Variants in LIPA observed in about 807,000 individuals in gnomAD.
The protein encoded by LIPA is lysosomal acid lipase/cholesteryl ester hydrolase.
A neutral mutation model predicts 40.6 loss-of-function variants in LIPA; 26 were observed. The observed-to-expected ratio is 0.64, with a 90% confidence interval of 0.47 to 0.89. The LOEUF (loss-of-function observed/expected upper bound fraction) is 0.89, where lower values mean the gene tolerates loss of function less well. Ranked by LOEUF, LIPA falls within the 40% of genes least tolerant of loss-of-function variation. The pLI, the probability that LIPA is intolerant of heterozygous loss-of-function variation, is 0.00. For missense variants in LIPA, 455 were observed against 479.6 expected (o/e 0.95, Z 0.48); for synonymous variants, 188 against 168.4 (o/e 1.12, Z -0.90).
At chr10:89,295,040 G>A (rs552938127) in intron 1 of LIPA, among the ~76,000 whole-genome samples, 1 of 143,382 alleles carries the variant, frequency 7.0e-6, no homozygotes, top group African/African-American at 2.6e-5. Context: ...GGAAAGGAAA[G>A]GAAAGGAAAG....
Position 89,228,555 on chromosome 10 carries a change from G to C in LIPA, c.230-157C>G, listed in dbSNP as rs1165752535. On this transcript the variant is annotated intron_variant, in intron 3 of 9. Transcript: ENST00000336233. ...AGTGATGTACTCACATATAATGTTA[G>C]TAAAGAATTTTTTTAAAACAGCACT... Among the ~76,000 whole-genome samples, 3 of 152,214 alleles carry C rather than the reference G, an allele frequency of 2.0e-5. No individual in the cohort carries two copies. The East Asian group carries it at 5.8e-4, about 29-fold the overall frequency.
intron 1 of LIPA, among the ~76,000 whole-genome samples, chr10:89,322,876 A>T (rs555814015): frequency 1.3e-5 from 2 of 152,290 alleles, no homozygotes; most frequent in East Asian, 3.9e-4. Context: ...ACAGGTGACT[A>T]CATCTACCCC....
intron 1 of LIPA, among the ~76,000 whole-genome samples, chr10:89,333,414 A>G (rs186319541): frequency 6.6e-6 from 1 of 152,350 alleles, no homozygotes; most frequent in Non-Finnish European, 1.5e-5. Context: ...CTTACAGAAG[A>G]AATGTCCATC....
chr10:89,402,810 G>A (rs924548286), intron 2 of LIPA: 2 of 1,614,234 alleles, frequency 1.2e-6, no homozygotes, highest in Middle Eastern at 1.7e-4. Flanking sequence ...TGAATCCAGC[G>A]CTGGGTATGC....
At chr10:89,356,135 G>T (rs1311925317) in intron 2 of LIPA, among the ~76,000 whole-genome samples, 1 of 152,022 alleles carries the variant, frequency 6.6e-6, no homozygotes, top group African/African-American at 2.4e-5. Flanking sequence ...CCCCCTTTTT[G>T]AGTCTGTATT....
chr10:89,265,683 TA>T (rs1843232120), intron 1 of LIPA, among the ~76,000 whole-genome samples: 1 of 152,258 alleles, frequency 6.6e-6, no homozygotes, highest in Non-Finnish European at 1.5e-5. Context: ...TGGAAACTCA[TA>T]AAAGATGTTG....
At chr10:89,226,192 C>T (rs552092504) in intron 5 of LIPA, among the ~76,000 whole-genome samples, 23 of 152,062 alleles carry the variant, frequency 1.5e-4, no homozygotes, top group Admixed American at 4.6e-4. Context: ...CATTTTTTTC[C>T]TGGCAATATA....
intron 8 of LIPA, among the ~76,000 whole-genome samples, chr10:89,218,007 A>G (rs754389444): frequency 6.7e-6 from 1 of 150,362 alleles, no homozygotes; most frequent in Non-Finnish European, 1.5e-5. Context: ...CATAAATAAT[A>G]CTAAGTGGAA....
intron 3 of LIPA, among the ~76,000 whole-genome samples, chr10:89,241,019 G>A (rs1026927632): frequency 5.3e-5 from 8 of 152,134 alleles, no homozygotes; most frequent in African/African-American, 1.9e-4. Flanking sequence ...TGTCTTAATT[G>A]CGATGGAGAA....
intron 2 of LIPA, among the ~76,000 whole-genome samples, chr10:89,408,912 A>T (rs1309718429): frequency 6.6e-6 from 1 of 152,166 alleles, no homozygotes; most frequent in Non-Finnish European, 1.5e-5. Context: ...CCCCACTGGG[A>T]CCTCAACTCA....
intron 2 of LIPA, among the ~76,000 whole-genome samples, chr10:89,400,440 T>C (rs1844405972): frequency 6.6e-6 from 1 of 152,238 alleles, no homozygotes; most frequent in African/African-American, 2.4e-5. Context: ...ATTGCTTCTT[T>C]AATTTCTTTC....
chr10:89,302,117 T>C, intron 1 of LIPA: 2 of 1,614,006 alleles, frequency 1.2e-6, no homozygotes, highest in Non-Finnish European at 1.7e-6. Flanking sequence ...AGAATTGCAC[T>C]GCAACCATGA....
intron 2 of LIPA, among the ~76,000 whole-genome samples, chr10:89,396,884 A>C (rs1167327123): frequency 6.6e-6 from 1 of 152,160 alleles, no homozygotes; most frequent in Non-Finnish European, 1.5e-5. Flanking sequence ...TTCTTTGGAG[A>C]ATTGTCTACT....
Position 89,305,873 on chromosome 10 carries a change from T to C in LIPA, c.-2+36738A>G, listed in dbSNP as rs144123386. The C allele has an allele frequency of 1.3e-4, 109 of 870,900 alleles. No individual in the cohort carries two copies. The African/African-American group carries it at 1.5e-3, about 12-fold the overall frequency. The allele number at this position is 870,900 out of a possible 1,614,324, so 53.9% of individuals were successfully genotyped here. ...TTCTTTGATTTGTGTTAACAGCCTT[T>C]AGGAGGAGGAGCATTTTATTTGCCA... is the stretch of plus-strand genomic sequence containing the variant. On this transcript the variant is annotated intron_variant, in intron 1 of 5. Transcript: ENST00000282673.
At chr10:89,299,855 T>G (rs1036855025) in intron 1 of LIPA, among the ~76,000 whole-genome samples, 1 of 152,082 alleles carries the variant, frequency 6.6e-6, no homozygotes, top group Non-Finnish European at 1.5e-5. Context: ...GAAAACAGTA[T>G]GGAAAGCTCT....
At position 89,339,070 on chromosome 10, in the gene LIPA, G is replaced by T; in HGVS notation, c.-2+3541C>A. On this transcript the variant is annotated intron_variant, in intron 1 of 5. Coordinates refer to the LIPA transcript ENST00000282673. ...ATACAGTATTGAGTATTCTGAACTT[G>T]ACTGTGAGGAAGGGTGGACACAACT... The T allele has an allele frequency of 1.9e-6, 3 of 1,614,070 alleles. No homozygotes were observed. In the South Asian group the frequency reaches 3.3e-5, roughly 18 times the overall value.
At chr10:89,283,496 C>A (rs1007468068) in intron 1 of LIPA, among the ~76,000 whole-genome samples, 14 of 152,172 alleles carry the variant, frequency 9.2e-5, no homozygotes, top group African/African-American at 3.1e-4. Flanking sequence ...TCTCCGGAAT[C>A]CACCCTAGTC....
At chr10:89,322,445 CAGG>C (rs141878263) in intron 1 of LIPA, among the ~76,000 whole-genome samples, 5,951 of 152,178 alleles carry the variant, frequency 0.039, 380 homozygotes, top group African/African-American at 0.13. Flanking sequence ...AGCGTGGATC[CAGG>C]AGAATTTCTC....
At chr10:89,305,914 A>T in intron 1 of LIPA, 1 of 1,339,966 alleles carries the variant, frequency 7.5e-7, no homozygotes, top group Non-Finnish European at 1.0e-6. Flanking sequence ...CCATTTCTTG[A>T]CATATAAATC....
Sources: gnomAD v4.1 joint callset for allele counts (sites outside exome capture counted in the v4.1 genomes callset) on GRCh38, gnomAD v4.1.1 for gene constraint, MANE v1.5 for transcripts, NCBI Gene and HGNC (gene_info 2026-07-23, HGNC 2026-07-21) for gene names.